The following ALAD variants were observed in gnomAD, a reference collection of about 807,000 sequenced individuals.
ALAD encodes aminolevulinate dehydratase, also known as delta-aminolevulinic acid dehydratase.
Under a neutral mutation model 44.4 loss-of-function variants are expected in ALAD, and 20 were observed. That is an observed-to-expected ratio of 0.45 (90% CI 0.32 to 0.65). The LOEUF is 0.65. Among genes scored for constraint, ALAD ranks in the 30% least tolerant of loss-of-function variants. The pLI is 0.05. For missense variants in ALAD, 323 were observed against 445.7 expected (o/e 0.72, Z 2.48); for synonymous variants, 156 against 167.9 (o/e 0.93, Z 0.55).
At chr9:113,388,844 T>A in intron 11 of ALAD, 133 bp downstream of exon 11, 1 of 1,362,856 alleles carries the variant, frequency 7.3e-7, no homozygotes, top group South Asian at 1.2e-5. Context: ...TCTTCCTCAG[T>A]GTGTGTCTGT....
At chr9:113,400,469 C>T (rs995442844) in intron 1 of ALAD, among the ~76,000 whole-genome samples, 2 of 152,124 alleles carry the variant, frequency 1.3e-5, no homozygotes, top group Non-Finnish European at 1.5e-5. Context: ...GTTGTGTGAC[C>T]TCAGTTTCTT....
At chr9:113,389,975 A>C in intron 7 of ALAD, 147 bp from the exon 8 acceptor site, 4 of 946,038 alleles carry the variant, frequency 4.2e-6, no homozygotes, top group Non-Finnish European at 6.6e-6. Context: ...TTCCCTGCAG[A>C]GGCCCAGAGG....
At chr9:113,393,008 C>CAGGGT (rs1010888421) in intron 2 of ALAD, among the ~76,000 whole-genome samples, 13 of 152,104 alleles carry the variant, frequency 8.5e-5, no homozygotes, top group Admixed American at 2.6e-4. Flanking sequence ...TTAGTAGAGA[C>CAGGGT]AGGGTTTCAC....
intron 7 of ALAD, 63 bp downstream of exon 7, chr9:113,390,342 C>T: frequency 6.5e-7 from 1 of 1,541,608 alleles, no homozygotes; most frequent in East Asian, 2.3e-5. Context: ...TCTTAGCAGA[C>T]ACGGGGGCAG....
intron 1 of ALAD, among the ~76,000 whole-genome samples, chr9:113,397,918 C>A (rs1827775467): frequency 6.6e-6 from 1 of 152,110 alleles, no homozygotes. Flanking sequence ...AGCCACCGCA[C>A]CTGGCCGAGA....
intron 2 of ALAD, chr9:113,393,069 C>T (rs961220813): frequency 1.7e-5 from 4 of 232,790 alleles, no homozygotes; most frequent in Non-Finnish European, 3.5e-5. Flanking sequence ...CCGCCTGCCT[C>T]AGCCTCCCAA....
At chr9:113,400,444 T>C (rs116156573) in intron 1 of ALAD, among the ~76,000 whole-genome samples, 1,541 of 152,296 alleles carry the variant, frequency 0.01, 33 homozygotes, top group African/African-American at 0.036. Flanking sequence ...CAAATCCTAG[T>C]TCTGTAGCTT....
chr9:113,393,498 G>C lies in ALAD; in HGVS notation c.62C>G (p.Thr21Arg). The C allele has an allele frequency of 6.2e-7, 1 of 1,614,162 alleles. No homozygotes were observed. Among genetic ancestry groups the C allele is most frequent in the Non-Finnish European group, 8.5e-7 (1 of 1,180,042 alleles). The part of the protein sequence containing the change: ...YFHPLLRAWQ[T>R]ATTTLNASNL... ...GGAGGCATTGAGGGTGGTGGTGGCTGTCTGCCAGGCCCGAAGTAGTGGGTG... is the reference window on the plus strand; with the variant it reads ...GGAGGCATTGAGGGTGGTGGTGGCTCTCTGCCAGGCCCGAAGTAGTGGGTG... Residue 21 changes from threonine to arginine, a missense_variant, in exon 2 of 12, where the codon ACA becomes AGA. Physicochemically the swap from Thr to Arg is moderately conservative, Grantham distance 71. Transcript: ENST00000409155.
intron 1 of ALAD, among the ~76,000 whole-genome samples, chr9:113,395,014 C>G (rs533426452): frequency 1.1e-4 from 17 of 151,770 alleles, no homozygotes; most frequent in African/African-American, 3.9e-4. Flanking sequence ...GAGATAGCGC[C>G]ACTTCACTCC....
intron 7 of ALAD, among the ~76,000 whole-genome samples, chr9:113,390,179 G>A (rs1455659602): frequency 2.6e-5 from 4 of 152,050 alleles, no homozygotes; most frequent in East Asian, 3.9e-4. Context: ...CTGCCACCAC[G>A]CCCAGCTAAT....
chr9:113,401,083 G>A (rs1374158537), intron 1 of ALAD, 129 bp downstream of exon 1: 1 of 152,314 alleles, frequency 6.6e-6, no homozygotes, highest in African/African-American at 2.4e-5. Flanking sequence ...CTCCGTGCAC[G>A]GCTGCACCGC....
At chr9:113,397,179 AAAAC>A (rs1304410459) in intron 1 of ALAD, 1 of 152,188 alleles carries the variant, frequency 6.6e-6, no homozygotes. Context: ...TGCTTCCCAG[AAAAC>A]CACCTTTGTA....
intron 1 of ALAD, among the ~76,000 whole-genome samples, chr9:113,395,362 A>G (rs1048791839): frequency 2.0e-5 from 3 of 152,140 alleles, no homozygotes; most frequent in African/African-American, 7.2e-5. Flanking sequence ...TGTCTTGTCC[A>G]GATTGCAGTC....
In ALAD at chr9:113,388,128, C is replaced by T. The variant is rs1827455267; in HGVS notation, c.*172G>A. On this transcript the variant is annotated 3_prime_UTR_variant, in exon 12 of 12. Transcript: ENST00000409155. ...GCTCATAGGATGCAGCTGCGAGTTA[C>T]AAGAGTTAGCATGCTGGCAAAACCA... The T allele has an allele frequency of 4.3e-6, 3 of 699,488 alleles. No individual in the cohort carries two copies. Among genetic ancestry groups the T allele is most frequent in the Admixed American group, 2.1e-5 (1 of 48,698 alleles). 43.3% of individuals were successfully genotyped at this position (699,488 alleles called of 1,614,324 possible).
At chr9:113,400,560 C>G (rs989677829) in intron 1 of ALAD, among the ~76,000 whole-genome samples, 1 of 152,168 alleles carries the variant, frequency 6.6e-6, no homozygotes, top group Non-Finnish European at 1.5e-5. Context: ...TGGTGGCTCA[C>G]GCCTGTAATC....
chr9:113,391,978 G>C, intron 3 of ALAD, 141 bp downstream of exon 3: 2 of 890,822 alleles, frequency 2.2e-6, no homozygotes, highest in South Asian at 1.5e-5. Context: ...CTCTGGCCCC[G>C]GGGAAACCCT....
intron 7 of ALAD, 60 bp downstream of exon 7, chr9:113,390,344 CG>C: frequency 6.5e-7 from 1 of 1,546,254 alleles, no homozygotes; most frequent in Non-Finnish European, 8.9e-7. Context: ...TTAGCAGACA[CG>C]GGGGCAGGGC....
In ALAD at chr9:113,391,500, T is replaced by C. The variant is rs111915485; in HGVS notation, c.261+27A>G. On this transcript the variant is annotated intron_variant, in intron 4 of 11. Coordinates refer to ENST00000409155, the MANE Select transcript of ALAD (RefSeq NM_000031.6). Reference sequence around the variant, plus strand: ...ATTACGGGCGTGAGCGCAACCTCCCTTCTTAGCCCTTCCTTTGATTCTTCA... The same window carrying C: ...ATTACGGGCGTGAGCGCAACCTCCCCTCTTAGCCCTTCCTTTGATTCTTCA... 1.1e-3 allele frequency: 1,810 copies of C among 1,606,710 alleles called. 23 individuals are homozygous for C. The African/African-American group carries it at 0.022, about 19-fold the overall frequency.
chr9:113,390,839 C>A lies in ALAD; in HGVS notation c.356G>T (p.Cys119Phe), dbSNP rs1307575437. Residue 119 changes from cysteine (C) to phenylalanine (F), a missense_variant, in exon 5 of 12, where the codon TGT becomes TTT. Coordinates refer to ENST00000409155, the MANE Select transcript of ALAD (RefSeq NM_000031.6). The part of the protein sequence containing the change: ...RKTFPNLLVA[C>F]DVCLCPYTSH... ...GGTGTAGGGACACAGGCAGACATCA[C>A]AGGCCACCAGGAGGTTGGGGAAGGT... 1 of 1,613,746 alleles carries A rather than the reference C, an allele frequency of 6.2e-7. No individual in the cohort carries two copies. The highest frequency in any genetic ancestry group is 1.3e-5 in the African/African-American group (1 of 75,054).
Sources: allele counts gnomAD v4.1 joint callset (sites outside exome capture counted in the v4.1 genomes callset), GRCh38; gene constraint gnomAD v4.1.1; transcripts MANE v1.5; gene names NCBI Gene and HGNC (gene_info 2026-07-23, HGNC 2026-07-21).